Variants in ASB8 observed in about 807,000 individuals in gnomAD.
The protein encoded by ASB8 is ankyrin repeat and SOCS box protein 8.
ASB8 carries 15 observed loss-of-function variants against 22.9 expected under a neutral mutation model. That is an observed-to-expected ratio of 0.66 (90% CI 0.44 to 1.01). ASB8 has a LOEUF of 1.01. Among genes scored for constraint, ASB8 ranks in the 50% least tolerant of loss-of-function variants. ASB8 has a pLI of 0.00. For missense variants in ASB8, 294 were observed against 356.9 expected (o/e 0.82, Z 1.42); for synonymous variants, 124 against 140.8 (o/e 0.88, Z 0.84).
At chr12:48,151,807 CTT>C in intron 2 of ASB8, 1 of 409,260 alleles carries the variant, frequency 2.4e-6, no homozygotes, top group East Asian at 7.2e-5. Context: ...AAAGTAGCCT[CTT>C]AGTATCAGTA....
intron 2 of ASB8, chr12:48,151,675 T>C (rs969322582): frequency 1.5e-6 from 2 of 1,317,254 alleles, no homozygotes; most frequent in African/African-American, 1.5e-5. Context: ...TCTGGAAAAG[T>C]AGGAAAGTGA....
intron 1 of ASB8, 153 bp downstream of exon 1, chr12:48,157,306 A>C (rs1951322911): frequency 6.6e-6 from 1 of 152,324 alleles, no homozygotes; most frequent in African/African-American, 2.4e-5. Flanking sequence ...GACGCGGACC[A>C]ACCCCCTCTT....
intron 1 of ASB8, among the ~76,000 whole-genome samples, chr12:48,155,146 A>G (rs2136082360): frequency 6.6e-6 from 1 of 152,370 alleles, no homozygotes; most frequent in African/African-American, 2.4e-5. Flanking sequence ...ATTACAGCCA[A>G]TAAGGTAGAA....
At position 48,153,509 on chromosome 12, in the gene ASB8, T is replaced by C. The variant is rs1168460440; in HGVS notation, c.-13A>G. 2.5e-6 allele frequency: 4 copies of C among 1,613,316 alleles called. No individual in the cohort carries two copies. The Middle Eastern group carries it at 5.0e-4, about 200-fold the overall frequency. On this transcript the variant is annotated 5_prime_UTR_variant, in exon 2 of 4. Coordinates refer to ENST00000317697, the MANE Select transcript of ASB8 (RefSeq NM_024095.5). ...TACTGGAACTCATCAAGGCTCAAGG[T>C]GTTCACATGCTCCAAACTGCCTGAA...
rs1471049832 is a variant in ASB8 at position 48,156,147 on chromosome 12, G to A, written c.-34+1312C>T. On this transcript the variant is annotated intron_variant, in intron 1 of 3. Coordinates refer to ENST00000317697, the MANE Select transcript of ASB8 (RefSeq NM_024095.5). ...TATAAATTCTGATAGTTTCTATTTTGTGAATCAGTAGCCATTTATAGTAGA... is the reference window on the plus strand; with the variant it reads ...TATAAATTCTGATAGTTTCTATTTTATGAATCAGTAGCCATTTATAGTAGA... Among the ~76,000 whole-genome samples, 4 of 152,086 alleles carry A rather than the reference G, an allele frequency of 2.6e-5. No individual in the cohort carries two copies. The South Asian group carries it at 8.3e-4, about 32-fold the overall frequency.
In ASB8 at chr12:48,149,869, G is replaced by A. The variant is rs1831836013; in HGVS notation, c.364C>T (p.Leu122Phe). 6.2e-7 allele frequency: 1 copy of A among 1,614,126 alleles called. No individual in the cohort carries two copies. Among genetic ancestry groups the A allele is most frequent in the Admixed American group, 1.7e-5 (1 of 60,010 alleles). ...NALDGNRDTP[L>F]HWAAFKNNAE... is the part of the protein sequence containing the mutation. ...TTGTTCTTAAAGGCTGCCCAGTGAA[G>A]TGGGGTATCTCTGTTGCCATCCAAA... is the stretch of plus-strand genomic sequence containing the variant. Residue 122 changes from leucine (L) to phenylalanine (F), a missense_variant, in exon 4 of 4, where the codon CTT becomes TTT. Leu to Phe is a conservative substitution (Grantham distance 22). Transcript: ENST00000317697.
Position 48,149,524 on chromosome 12 carries a change from A to C in ASB8, c.709T>G (p.Cys237Gly), listed in dbSNP as rs1349231804. Residue 237 changes from cysteine (C) to glycine (G), a missense_variant, in exon 4 of 4, where the codon TGT becomes GGT. By Grantham distance (159) the Cys-to-Gly change is radical. Transcript: ENST00000317697. The stretch of plus-strand genomic sequence containing the variant: ...GAGCACAGAACAGTCAGTTTTTCAC[A>C]TAGCTGCGGGTCTCTGGCCACCTCT... The part of the protein sequence containing the change: ...PREVARDPQL[C>G]EKLTVLCSAP... 4.3e-6 allele frequency: 7 copies of C among 1,614,040 alleles called. No individual in the cohort carries two copies. The highest frequency in any genetic ancestry group is 5.9e-6 in the Non-Finnish European group (7 of 1,180,030).
rs1951153966 is a variant in ASB8 at position 48,149,276 on chromosome 12, C to A, written c.*90G>T. On this transcript the variant is annotated 3_prime_UTR_variant, in exon 4 of 4. Coordinates refer to ENST00000317697, the MANE Select transcript of ASB8 (RefSeq NM_024095.5). ...AAATCTATAAACCACACAACAGGAACAACTGTTTTTCTGTTTTCTGTGACA... is the reference window on the plus strand; with the variant it reads ...AAATCTATAAACCACACAACAGGAAAAACTGTTTTTCTGTTTTCTGTGACA... The A allele has an allele frequency of 7.3e-7, 1 of 1,361,624 alleles. No homozygotes were observed. The highest frequency in any genetic ancestry group is 1.5e-5 in the African/African-American group (1 of 68,492). The allele number at this position is 1,361,624 out of a possible 1,614,324, so 84.3% of individuals were successfully genotyped here.
chr12:48,151,121 G>A, intron 3 of ASB8, 80 bp downstream of exon 3: 1 of 1,084,912 alleles, frequency 9.2e-7, no homozygotes, highest in Non-Finnish European at 1.4e-6. Flanking sequence ...AGAGATGGAG[G>A]AGTGATGGGG....
rs939329935 is a variant in ASB8, at chr12:48,149,281, G to C, written c.*85C>G. 3 of 1,394,100 alleles carry C rather than the reference G, an allele frequency of 2.2e-6. No individual in the cohort carries two copies. Among genetic ancestry groups the C allele is most frequent in the Non-Finnish European group, 2.9e-6 (3 of 1,023,788 alleles). 86.4% of individuals were successfully genotyped at this position (1,394,100 alleles called of 1,614,324 possible). ...TATAAACCACACAACAGGAACAACT[G>C]TTTTTCTGTTTTCTGTGACAAGGAG... is the stretch of plus-strand genomic sequence containing the variant. On this transcript the variant is annotated 3_prime_UTR_variant, in exon 4 of 4. Transcript: ENST00000317697.
intron 1 of ASB8, among the ~76,000 whole-genome samples, chr12:48,156,280 T>G (rs1233152100): frequency 1.3e-5 from 2 of 152,250 alleles, no homozygotes; most frequent in Non-Finnish European, 2.9e-5. Context: ...CACACTTGTT[T>G]ATATGTCTCT....
rs779454607 is a variant in ASB8 at position 48,149,372 on chromosome 12, T to G, written c.861A>C (p.Leu287Phe). The change falls in exon 4 of 4, where the codon TTA becomes TTC. Residue 287 changes from leucine (L) to phenylalanine (F), a missense_variant. Physicochemically the swap from Leu to Phe is conservative, Grantham distance 22 (BLOSUM62 0). Coordinates refer to ENST00000317697, the MANE Select transcript of ASB8 (RefSeq NM_024095.5). The stretch of plus-strand genomic sequence containing the variant: ...GTGCAAACATCTTCTCCGGCTATTC[T>G]AAAAGTAACAGGTATTCCTTCAAAG... ...PASLKEYLLL[L>F]E 8 of 1,613,256 alleles carry G rather than the reference T, an allele frequency of 5.0e-6. No homozygotes were observed. The East Asian group carries it at 1.8e-4, about 36-fold the overall frequency.
At chr12:48,153,121 G>C (rs899189179) in intron 2 of ASB8, 3 of 430,128 alleles carry the variant, frequency 7.0e-6, no homozygotes, top group South Asian at 4.8e-5. Flanking sequence ...ATTTTACAAA[G>C]AACATGAGAC....
intron 2 of ASB8, chr12:48,151,541 C>T: frequency 6.9e-7 from 1 of 1,439,530 alleles, no homozygotes; most frequent in Non-Finnish European, 9.4e-7. Flanking sequence ...AGTTTCTCCA[C>T]AAGGGAGGCT....
intron 2 of ASB8, 96 bp from the exon 3 acceptor site, chr12:48,151,401 C>T (rs1050681506): frequency 1.8e-5 from 19 of 1,080,094 alleles, no homozygotes; most frequent in Non-Finnish European, 2.4e-5. Context: ...AGAGTTCTAA[C>T]TCTCACTATT....
intron 3 of ASB8, among the ~76,000 whole-genome samples, chr12:48,150,413 C>T (rs931192090): frequency 1.3e-5 from 2 of 152,220 alleles, no homozygotes; most frequent in African/African-American, 4.8e-5. Context: ...TTACCCTGAC[C>T]CTTTCTGTAC....
At chr12:48,155,017 A>G (rs564940894) in intron 1 of ASB8, among the ~76,000 whole-genome samples, 1 of 152,376 alleles carries the variant, frequency 6.6e-6, no homozygotes, top group East Asian at 1.9e-4. Flanking sequence ...TTGGTGAAAT[A>G]TATGTTGAAA....
In ASB8 at chr12:48,149,454, C is replaced by T. The variant is rs75959434; in HGVS notation, c.779G>A (p.Arg260His). Residue 260 changes from arginine (R) to histidine (H), a missense_variant, in exon 4 of 4, where the codon CGT (arginine) becomes CAT (histidine). Physicochemically the swap from Arg to His is conservative, Grantham distance 29. Coordinates refer to ENST00000317697, the MANE Select transcript of ASB8 (RefSeq NM_024095.5). ...LKTLARYAVR[R>H]SLGLQYLPDA... ...GGGGAGATACTGGAGTCCCAGGCTA[C>T]GGCGCACGGCATAGCGAGCGAGTGT... 0.045 allele frequency: 72,913 copies of T among 1,613,890 alleles called. 1,858 individuals carry two copies. Among genetic ancestry groups the T allele is most frequent in the Middle Eastern group, 0.054 (327 of 6,062 alleles).
At chr12:48,155,448 G>A (rs555181298) in intron 1 of ASB8, among the ~76,000 whole-genome samples, 2 of 152,204 alleles carry the variant, frequency 1.3e-5, no homozygotes, top group African/African-American at 2.4e-5. Context: ...TTGGCGGGGC[G>A]CGATGGCTCA....
Sources: allele counts gnomAD v4.1 joint callset (sites outside exome capture counted in the v4.1 genomes callset), GRCh38; gene constraint gnomAD v4.1.1; transcripts MANE v1.5; gene names NCBI Gene and HGNC (gene_info 2026-07-23, HGNC 2026-07-21).